TNRC6A: variants seen among roughly 807,000 people sequenced by gnomAD.
The protein encoded by TNRC6A is trinucleotide repeat-containing gene 6A protein.
TNRC6A carries 44 observed loss-of-function variants against 221.2 expected under a neutral mutation model. The ratio of observed to expected loss-of-function variants is 0.20; its 90% CI spans 0.16 to 0.26. The LOEUF (loss-of-function observed/expected upper bound fraction) is 0.26. Ranked by LOEUF, TNRC6A falls within the 10% of genes least tolerant of loss-of-function variation. TNRC6A has a pLI of 1.00. For synonymous variants in TNRC6A, 847 were observed against 838.5 expected, an observed-to-expected ratio of 1.01 and a Z score of -0.18; for missense variants, 2,199 against 2,404.4, an observed-to-expected ratio of 0.91 and a Z score of 1.79.
At chr16:24,700,345 C>T (rs1596513977) in intron 2 of TNRC6A, among the ~76,000 whole-genome samples, 1 of 151,980 alleles carries the variant, frequency 6.6e-6, no homozygotes, top group South Asian at 2.1e-4. Context: ...AAGCAATTCT[C>T]CTGCCTCAGC....
At chr16:24,707,153 A>G (rs1386393271) in intron 2 of TNRC6A, among the ~76,000 whole-genome samples, 1 of 151,882 alleles carries the variant, frequency 6.6e-6, no homozygotes, top group African/African-American at 2.4e-5. Flanking sequence ...ATGCCACCAC[A>G]CTTGGCTAAT....
At chr16:24,619,160 A>T (rs76704181) in intron 1 of TNRC6A, among the ~76,000 whole-genome samples, 1 of 152,192 alleles carries the variant, frequency 6.6e-6, no homozygotes, top group African/African-American at 2.4e-5. Flanking sequence ...CTAAAGATAC[A>T]TTCTTGCTGC....
chr16:24,807,122 C>T (rs1290231189), intron 17 of TNRC6A, among the ~76,000 whole-genome samples: 2 of 151,910 alleles, frequency 1.3e-5, no homozygotes, highest in Non-Finnish European at 2.9e-5. Context: ...TCTCGCACCT[C>T]AGCTTCCCGA....
chr16:24,809,967 C>T (rs2058510325), intron 18 of TNRC6A, among the ~76,000 whole-genome samples: 4 of 152,146 alleles, frequency 2.6e-5, no homozygotes, highest in Admixed American at 2.6e-4. Flanking sequence ...CCTGAGCCAC[C>T]ATGCCCGGCT....
intron 1 of TNRC6A, among the ~76,000 whole-genome samples, chr16:24,618,290 A>G (rs923430245): frequency 6.6e-6 from 1 of 152,128 alleles, no homozygotes; most frequent in Non-Finnish European, 1.5e-5. Flanking sequence ...TCAATTGAAC[A>G]CTTTGCATGT....
chr16:24,713,807 G>GGC (rs199816890), intron 2 of TNRC6A, among the ~76,000 whole-genome samples: 111,564 of 151,404 alleles, frequency 0.74, 41,389 homozygotes, highest in East Asian at 0.89. Context: ...CTACAACTCT[G>GGC]TTCAATCTTT....
intron 2 of TNRC6A, among the ~76,000 whole-genome samples, chr16:24,687,954 C>CTTTTCT (rs1555489553): frequency 0.016 from 1,145 of 70,538 alleles, 10 homozygotes; most frequent in Non-Finnish European, 0.021. Flanking sequence ...CTTTTCTTTT[C>CTTTTCT]TTTTTTTTTT....
chr16:24,625,737 C>A (rs71375620), intron 1 of TNRC6A, among the ~76,000 whole-genome samples: 1,982 of 23,430 alleles, frequency 0.085, 90 homozygotes, highest in African/African-American at 0.15. Flanking sequence ...CGTCTCAAAA[C>A]AAAAAAAAAA....
chr16:24,779,205 G>GC (rs1360714705), intron 5 of TNRC6A, among the ~76,000 whole-genome samples: 1 of 152,156 alleles, frequency 6.6e-6, no homozygotes, highest in Non-Finnish European at 1.5e-5. Context: ...AAAACGTCAT[G>GC]CCTATTTCTA....
intron 2 of TNRC6A, among the ~76,000 whole-genome samples, chr16:24,643,304 G>A (rs1662635770): frequency 6.6e-6 from 1 of 151,260 alleles, no homozygotes; most frequent in African/African-American, 2.4e-5. Flanking sequence ...ATCCCCAGGA[G>A]TGCCGTGACA....
intron 11 of TNRC6A, among the ~76,000 whole-genome samples, chr16:24,803,201 C>T (rs971973291): frequency 6.6e-5 from 10 of 152,058 alleles, no homozygotes; most frequent in African/African-American, 2.2e-4. Flanking sequence ...GGCAGATCAC[C>T]TGAGGTCAGG....
intron 2 of TNRC6A, among the ~76,000 whole-genome samples, chr16:24,702,095 CTTTTCTT>C (rs1341308431): frequency 1.3e-4 from 11 of 85,258 alleles, no homozygotes; most frequent in Non-Finnish European, 1.8e-4. Flanking sequence ...ATTTTCTTTT[CTTTTCTT>C]TTTTCTTTTT....
At chr16:24,727,078 G>GGA (rs1244124486), upstream of TNRC6A, among the ~76,000 whole-genome samples, 1 of 150,700 alleles carries the variant, frequency 6.6e-6, no homozygotes, top group Non-Finnish European at 1.5e-5. Flanking sequence ...TGCCCAGGCT[G>GGA]GAGTGCAATG....
chr16:24,806,473 C>T, intron 16 of TNRC6A, 101 bp from the exon 17 acceptor site: 1 of 1,457,352 alleles, frequency 6.9e-7, no homozygotes, highest in Non-Finnish European at 9.5e-7. Flanking sequence ...ATTCACCTTT[C>T]TGCTGAGACG....
chr16:24,802,193 T>C (rs1332784761), intron 11 of TNRC6A, among the ~76,000 whole-genome samples: 1 of 152,046 alleles, frequency 6.6e-6, no homozygotes, highest in African/African-American at 2.4e-5. Context: ...AAATGATGGA[T>C]GAGATTTGAG....
intron 2 of TNRC6A, among the ~76,000 whole-genome samples, chr16:24,712,907 C>CTGTGTGTGTGTGTGTGTG (rs61198955): frequency 5.5e-5 from 7 of 126,702 alleles, no homozygotes; most frequent in African/African-American, 1.9e-4. Flanking sequence ...TTATGTGCCA[C>CTGTGTGTGTGTGTGTGTG]TGTGTGTGTG....
Position 24,688,999 on chromosome 16 carries a change from G to A in TNRC6A, n.402+47990G>A, listed in dbSNP as rs111412350. ...GAGGATCTCTTGAGCCCAGGAGTTC[G>A]GGGCTGTCATGGTCTATAATCATGC... On this transcript the variant is annotated intron_variant and non_coding_transcript_variant, in intron 2 of 2. Transcript: ENST00000566108. Among the ~76,000 whole-genome samples the A allele has an allele frequency of 3.9e-3, 597 of 152,244 alleles. 5 individuals carry two copies. Among genetic ancestry groups the A allele is most frequent in the African/African-American group, 0.014 (561 of 41,550 alleles).
rs1327103294 is a variant in TNRC6A, at chr16:24,790,332, C to G, written c.1690C>G (p.Gln564Glu). The change falls in exon 6 of 25, where the codon CAA (glutamine) becomes GAA (glutamate). Residue 564 changes from glutamine to glutamate, a missense_variant. By Grantham distance (29) the Gln-to-Glu change is conservative (BLOSUM62 2). Transcript: ENST00000395799. ...AAATGGTCCTATGGGCACTAACTTT[C>G]AAGTTAACACAAACAAAGGAGGTGG... is the stretch of plus-strand genomic sequence containing the variant. ...GVNGPMGTNFQVNTNKGGGVW... is the reference protein window; with the variant it reads ...GVNGPMGTNFEVNTNKGGGVW... The G allele has an allele frequency of 1.2e-6, 2 of 1,614,174 alleles. No individual in the cohort carries two copies. The highest frequency in any genetic ancestry group is 1.3e-5 in the African/African-American group (1 of 75,036).
In TNRC6A at chr16:24,770,343, G is replaced by C. The variant is rs932617178; in HGVS notation, c.164-6590G>C. On this transcript the variant is annotated intron_variant, in intron 4 of 24. Coordinates refer to ENST00000395799, the MANE Select transcript of TNRC6A (RefSeq NM_014494.4). The stretch of plus-strand genomic sequence containing the variant: ...GTGGTTTTATGATACAGATAACTTG[G>C]GGCAGGTAGATGATAGATTTCGGGA... Among the ~76,000 whole-genome samples the C allele has an allele frequency of 2.0e-5, 3 of 152,108 alleles. No homozygotes were observed. In the East Asian group the frequency reaches 5.8e-4, roughly 29 times the overall value.
Sources: allele counts gnomAD v4.1 joint callset (sites outside exome capture counted in the v4.1 genomes callset), GRCh38; gene constraint gnomAD v4.1.1; transcripts MANE v1.5; gene names NCBI Gene and HGNC (gene_info 2026-07-23, HGNC 2026-07-21).